The following MSRA variants were observed in gnomAD, a reference collection of about 807,000 sequenced individuals.
MSRA encodes methionine sulfoxide reductase A, also known as mitochondrial peptide methionine sulfoxide reductase.
In MSRA, 54 loss-of-function variants were observed where a neutral mutation model predicts 31.3. That is an observed-to-expected ratio of 1.73 (90% CI 1.39 to 2.17). The LOEUF (loss-of-function observed/expected upper bound fraction) is 2.17, where lower values mean the gene tolerates loss of function less well. Ranked by LOEUF, MSRA falls within the 30% of genes most tolerant of loss-of-function variation. The probability of loss-of-function intolerance (pLI) is 0.00; values close to 1 mark genes in which losing one functional copy is unlikely to be tolerated. For synonymous variants in MSRA, 169 were observed against 116.5 expected, an observed-to-expected ratio of 1.45 and a Z score of -2.90; for missense variants, 507 against 300.9, an observed-to-expected ratio of 1.69 and a Z score of -5.07.
intron 1 of MSRA, among the ~76,000 whole-genome samples, chr8:10,185,390 G>C (rs187552251): frequency 2.6e-5 from 4 of 152,186 alleles, no homozygotes; most frequent in African/African-American, 9.7e-5. Context: ...ATTGTGGGTA[G>C]GGGCAAATAG....
rs142107088 is a variant in MSRA at position 10,408,941 on chromosome 8, G to A, written c.544-19207G>A. On this transcript the variant is annotated intron_variant, in intron 5 of 5. Coordinates refer to ENST00000317173, the MANE Select transcript of MSRA (RefSeq NM_012331.5). ...GAGTAGTATTCCATGGTACATATACGCCACATTTTCTTTTTCCGTTCATCT... is the reference window on the plus strand; with the variant it reads ...GAGTAGTATTCCATGGTACATATACACCACATTTTCTTTTTCCGTTCATCT... Among the ~76,000 whole-genome samples, 398 of 152,184 alleles carry A rather than the reference G, an allele frequency of 2.6e-3. 7 individuals carry two copies. Among genetic ancestry groups the A allele is most frequent in the African/African-American group, 7.6e-3 (317 of 41,528 alleles).
At chr8:10,240,984 G>A (rs1013096429) in intron 2 of MSRA, among the ~76,000 whole-genome samples, 5 of 151,982 alleles carry the variant, frequency 3.3e-5, no homozygotes, top group Admixed American at 6.6e-5. Flanking sequence ...TGCAGCTCAC[G>A]CGTGCCCTCT....
chr8:10,309,612 C>G (rs1801326285), intron 4 of MSRA, among the ~76,000 whole-genome samples: 1 of 152,354 alleles, frequency 6.6e-6, no homozygotes, highest in South Asian at 2.1e-4. Flanking sequence ...AAGGCTTGGT[C>G]TGGTTTGCCC....
intron 1 of MSRA, among the ~76,000 whole-genome samples, chr8:10,192,222 A>C (rs1266017090): frequency 6.6e-6 from 1 of 152,244 alleles, no homozygotes; most frequent in Non-Finnish European, 1.5e-5. Context: ...GTAGCAGTGA[A>C]TCACTAAGTT....
At chr8:10,195,122 C>T (rs1807858055) in intron 1 of MSRA, among the ~76,000 whole-genome samples, 1 of 152,190 alleles carries the variant, frequency 6.6e-6, no homozygotes, top group African/African-American at 2.4e-5. Context: ...TTTATGCAAA[C>T]TGTTAGGACC....
Position 10,267,158 on chromosome 8 carries a change from G to A in MSRA, c.331+21935G>A, listed in dbSNP as rs1054851702. On this transcript the variant is annotated intron_variant, in intron 3 of 5. Transcript: ENST00000317173. ...TGATTGCACATTGTTTACCCCACCC[G>A]CTCCCGGTTGTAGTAATTATGGTAC... 1.5e-4 allele frequency among the ~76,000 whole-genome samples: 23 copies of A among 152,286 alleles called. No homozygotes were observed. In the East Asian group the frequency reaches 2.9e-3, roughly 19 times the overall value.
chr8:10,393,612 G>T (rs1250093661), intron 5 of MSRA, among the ~76,000 whole-genome samples: 2 of 152,198 alleles, frequency 1.3e-5, no homozygotes, highest in Non-Finnish European at 2.9e-5. Flanking sequence ...TGTATGGCTA[G>T]CCTGGGAGTC....
At chr8:10,077,114 C>T (rs1439247831) in intron 1 of MSRA, among the ~76,000 whole-genome samples, 2 of 149,540 alleles carry the variant, frequency 1.3e-5, no homozygotes, top group Non-Finnish European at 1.5e-5. Context: ...GTTAGAAAAG[C>T]AAAAAGAGTA....
intron 5 of MSRA, among the ~76,000 whole-genome samples, chr8:10,368,544 G>A (rs993073534): frequency 1.3e-5 from 2 of 152,220 alleles, no homozygotes; most frequent in African/African-American, 2.4e-5. Flanking sequence ...ACACCGGAGT[G>A]GGGTGGTCCC....
chr8:10,114,469 C>T (rs1800531439), intron 1 of MSRA, among the ~76,000 whole-genome samples: 1 of 151,272 alleles, frequency 6.6e-6, no homozygotes, highest in Non-Finnish European at 1.5e-5. Flanking sequence ...TATGAGCATT[C>T]CAGTTTCTCT....
chr8:10,411,168 G>T (rs1808135602), intron 5 of MSRA: 1 of 152,194 alleles, frequency 6.6e-6, no homozygotes, highest in African/African-American at 2.4e-5. Flanking sequence ...GTCCTCCGAA[G>T]ACGCCTGCTT....
At chr8:10,378,530 G>T (rs1281826539) in intron 5 of MSRA, among the ~76,000 whole-genome samples, 5 of 152,202 alleles carry the variant, frequency 3.3e-5, no homozygotes, top group Non-Finnish European at 7.3e-5. Context: ...AACAGGCTGG[G>T]TGAGACTGGG....
At chr8:10,081,130 G>C (rs1373502969) in intron 1 of MSRA, among the ~76,000 whole-genome samples, 1 of 152,210 alleles carries the variant, frequency 6.6e-6, no homozygotes, top group African/African-American at 2.4e-5. Context: ...ACGTGGTCCA[G>C]TTGGAGGGCC....
chr8:10,267,390 A>G (rs529937918), intron 3 of MSRA, among the ~76,000 whole-genome samples: 1 of 152,092 alleles, frequency 6.6e-6, no homozygotes, highest in East Asian at 1.9e-4. Context: ...TTGATTTTGG[A>G]AAGACAAAAT....
chr8:10,127,806 G>A (rs2129022023), intron 1 of MSRA, among the ~76,000 whole-genome samples: 1 of 152,294 alleles, frequency 6.6e-6, no homozygotes, highest in African/African-American at 2.4e-5. Context: ...AAGGCATGTA[G>A]ATATGAAAAC....
At chr8:10,267,728 G>C (rs145484686) in intron 3 of MSRA, among the ~76,000 whole-genome samples, 1 of 152,092 alleles carries the variant, frequency 6.6e-6, no homozygotes, top group Non-Finnish European at 1.5e-5. Context: ...AGTCTCTCCC[G>C]ACACCAATTT....
At chr8:10,235,112 G>C (rs1317478245) in intron 2 of MSRA, among the ~76,000 whole-genome samples, 1 of 126,148 alleles carries the variant, frequency 7.9e-6, no homozygotes, top group African/African-American at 3.2e-5. Flanking sequence ...AACACATAGA[G>C]AGAAATTTTA....
intron 1 of MSRA, among the ~76,000 whole-genome samples, chr8:10,152,783 A>G (rs912873338): frequency 2.6e-5 from 4 of 152,220 alleles, no homozygotes; most frequent in African/African-American, 9.7e-5. Context: ...GAACAGGTAG[A>G]CAGAATGTGG....
At chr8:10,266,035 A>G (rs1052737535) in intron 3 of MSRA, among the ~76,000 whole-genome samples, 6 of 152,168 alleles carry the variant, frequency 3.9e-5, no homozygotes, top group Admixed American at 2.6e-4. Context: ...GGCTGTTACA[A>G]ATAATGCTGC....
Sources: allele counts gnomAD v4.1 joint callset (sites outside exome capture counted in the v4.1 genomes callset), GRCh38; gene constraint gnomAD v4.1.1; transcripts MANE v1.5; gene names NCBI Gene and HGNC (gene_info 2026-07-23, HGNC 2026-07-21).